The following NELL1 variants were observed in gnomAD, a reference collection of about 807,000 sequenced individuals.
NELL1 encodes protein kinase C-binding protein NELL1.
NELL1 carries 76 observed loss-of-function variants against 107.4 expected under a neutral mutation model. The ratio of observed to expected loss-of-function variants is 0.71; its 90% CI spans 0.59 to 0.86. The LOEUF is 0.86. Among genes scored for constraint, NELL1 ranks in the 40% least tolerant of loss-of-function variants. The pLI, the probability that NELL1 is intolerant of heterozygous loss-of-function variation, is 0.00. For missense variants in NELL1, 1,024 were observed against 1,005.5 expected (o/e 1.02, Z -0.25); for synonymous variants, 353 against 341.2 (o/e 1.03, Z -0.38).
At chr11:20,694,464 A>C (rs909285580) in intron 2 of NELL1, among the ~76,000 whole-genome samples, 1 of 151,998 alleles carries the variant, frequency 6.6e-6, no homozygotes, top group Admixed American at 6.6e-5. Flanking sequence ...ACAGGAGTCT[A>C]TTTTCATTCT....
At chr11:21,383,235 T>C (rs919254340) in intron 15 of NELL1, among the ~76,000 whole-genome samples, 3 of 151,516 alleles carry the variant, frequency 2.0e-5, no homozygotes, top group African/African-American at 7.3e-5. Flanking sequence ...TCTATGCATT[T>C]ATTATGGTAG....
chr11:20,895,258 C>A (rs1477990746), intron 5 of NELL1, among the ~76,000 whole-genome samples: 2 of 72,836 alleles, frequency 2.7e-5, no homozygotes, highest in Admixed American at 4.8e-4. Flanking sequence ...GGCGACAGAG[C>A]GAGACTCCGT....
intron 15 of NELL1, among the ~76,000 whole-genome samples, chr11:21,420,310 AT>A (rs1852632838): frequency 1.3e-5 from 2 of 152,142 alleles, no homozygotes; most frequent in South Asian, 4.1e-4. Context: ...GATTAAACAA[AT>A]CCACTTACTT....
At chr11:21,551,727 G>A (rs1054473983) in intron 16 of NELL1, among the ~76,000 whole-genome samples, 3 of 151,210 alleles carry the variant, frequency 2.0e-5, no homozygotes, top group Non-Finnish European at 4.4e-5. Context: ...AAGTCAGTGT[G>A]GTGATTCCTC....
intron 12 of NELL1, among the ~76,000 whole-genome samples, chr11:21,074,458 CTG>C (rs1854087159): frequency 6.6e-6 from 1 of 152,204 alleles, no homozygotes; most frequent in African/African-American, 2.4e-5. Flanking sequence ...GTTGTAGAAA[CTG>C]TATTATATAT....
chr11:21,280,062 A>G (rs895098722), intron 14 of NELL1, among the ~76,000 whole-genome samples: 5 of 152,180 alleles, frequency 3.3e-5, no homozygotes, highest in African/African-American at 1.2e-4. Context: ...GGGGGAAGGG[A>G]GAGATAAAAG....
chr11:20,685,906 C>T (rs1194881856), intron 2 of NELL1, among the ~76,000 whole-genome samples: 1 of 151,904 alleles, frequency 6.6e-6, no homozygotes, highest in African/African-American at 2.4e-5. Context: ...ACTATTATTA[C>T]CCCCTTTTAT....
chr11:21,089,351 C>A (rs1854470153), intron 12 of NELL1, among the ~76,000 whole-genome samples: 1 of 152,244 alleles, frequency 6.6e-6, no homozygotes, highest in Admixed American at 6.5e-5. Flanking sequence ...TTCATCCAAA[C>A]ATTTAAATAG....
intron 12 of NELL1, among the ~76,000 whole-genome samples, chr11:21,001,153 A>G (rs72943175): frequency 0.088 from 13,365 of 152,186 alleles, 664 homozygotes; most frequent in Middle Eastern, 0.14. Flanking sequence ...GTTTTCTCCT[A>G]TCCCATCATT....
intron 13 of NELL1, chr11:21,169,743 T>G (rs4576820): frequency 0.73 from 703,089 of 968,120 alleles, 256,745 homozygotes; most frequent in Admixed American, 0.82. Flanking sequence ...ATGTGACCAG[T>G]CTGACTCCTA....
intron 14 of NELL1, among the ~76,000 whole-genome samples, chr11:21,328,473 A>G (rs746655287): frequency 6.6e-6 from 1 of 152,178 alleles, no homozygotes; most frequent in South Asian, 2.1e-4. Flanking sequence ...TAGAACCCTC[A>G]TGGAGAACCT....
At chr11:20,950,390 GC>G (rs1226310908) in intron 11 of NELL1, among the ~76,000 whole-genome samples, 3 of 152,168 alleles carry the variant, frequency 2.0e-5, no homozygotes, top group African/African-American at 7.2e-5. Context: ...CTTGAACTAA[GC>G]CCCCCATGAA....
chr11:21,316,312 G>A (rs1849880250), intron 14 of NELL1, among the ~76,000 whole-genome samples: 1 of 152,056 alleles, frequency 6.6e-6, no homozygotes. Flanking sequence ...GAGATGATAG[G>A]CTTGGTTTTT....
chr11:20,878,443 T>A (rs1374774223), intron 4 of NELL1, among the ~76,000 whole-genome samples: 1 of 148,796 alleles, frequency 6.7e-6, no homozygotes, highest in Non-Finnish European at 1.5e-5. Context: ...CTGAAATACA[T>A]CTCTCTGATT....
intron 12 of NELL1, among the ~76,000 whole-genome samples, chr11:21,049,759 C>T (rs1853446877): frequency 6.6e-6 from 1 of 151,940 alleles, no homozygotes; most frequent in Non-Finnish European, 1.5e-5. Context: ...CTCCCTGCAA[C>T]CTCCATCTCC....
intron 5 of NELL1, among the ~76,000 whole-genome samples, chr11:20,894,106 T>A (rs1182002633): frequency 6.6e-6 from 1 of 152,176 alleles, no homozygotes; most frequent in Non-Finnish European, 1.5e-5. Context: ...CTGACCCTGT[T>A]TCACACAACT....
intron 15 of NELL1, among the ~76,000 whole-genome samples, chr11:21,484,674 ATATG>A (rs1404106375): frequency 6.6e-6 from 1 of 152,118 alleles, no homozygotes; most frequent in Non-Finnish European, 1.5e-5. Context: ...ATATGTACAT[ATATG>A]TATGAATAAA....
At chr11:21,186,743 C>G (rs1856943581) in intron 13 of NELL1, among the ~76,000 whole-genome samples, 1 of 151,798 alleles carries the variant, frequency 6.6e-6, no homozygotes, top group Non-Finnish European at 1.5e-5. Context: ...CAATGCAAGC[C>G]TTGCTGGCAC....
intron 12 of NELL1, among the ~76,000 whole-genome samples, chr11:20,971,681 G>A (rs955585667): frequency 2.0e-5 from 3 of 152,162 alleles, no homozygotes; most frequent in African/African-American, 7.2e-5. Context: ...ACCTGGCTTA[G>A]AAATCCTGGC....
Sources: allele counts gnomAD v4.1 joint callset (sites outside exome capture counted in the v4.1 genomes callset), GRCh38; gene constraint gnomAD v4.1.1; transcripts MANE v1.5; gene names NCBI Gene and HGNC (gene_info 2026-07-23, HGNC 2026-07-21).